DLG2: variants seen among roughly 807,000 people sequenced by gnomAD.
DLG2 encodes the protein discs large MAGUK scaffold protein 2, also known as disks large homolog 2.
Under a neutral mutation model 132.5 loss-of-function variants are expected in DLG2, and 45 were observed. That is an observed-to-expected ratio of 0.34 (90% CI 0.27 to 0.44). The LOEUF (loss-of-function observed/expected upper bound fraction) is 0.44, where lower values mean the gene tolerates loss of function less well. DLG2 is among the 20% of genes least tolerant of loss of function. DLG2 has a pLI of 1.00. For synonymous variants in DLG2, 424 were observed against 419.6 expected (o/e 1.01, Z -0.13); for missense variants, 1,045 against 1,196.9 (o/e 0.87, Z 1.87).
chr11:85,333,478 G>C (rs1358479482), intron 3 of DLG2, among the ~76,000 whole-genome samples: 4 of 152,102 alleles, frequency 2.6e-5, no homozygotes, highest in Non-Finnish European at 5.9e-5. Context: ...CATTAAATAG[G>C]AGTGGTGAGA....
chr11:84,304,331 G>C (rs1480893072), intron 7 of DLG2, among the ~76,000 whole-genome samples: 2 of 152,200 alleles, frequency 1.3e-5, no homozygotes, highest in Non-Finnish European at 2.9e-5. Flanking sequence ...TAACCGCGAT[G>C]TAAGGCAATA....
At chr11:85,007,948 T>C in intron 6 of DLG2, among the ~76,000 whole-genome samples, 1 of 152,120 alleles carries the variant, frequency 6.6e-6, no homozygotes. Flanking sequence ...CAGAAATATT[T>C]GGATTTTACA....
At chr11:83,618,579 G>C (rs981824404) in intron 19 of DLG2, among the ~76,000 whole-genome samples, 2 of 152,138 alleles carry the variant, frequency 1.3e-5, no homozygotes, top group African/African-American at 4.8e-5. Flanking sequence ...ATGTTACTGA[G>C]GTCATAAGAA....
At chr11:84,904,235 A>G (rs543997901) in intron 6 of DLG2, among the ~76,000 whole-genome samples, 3 of 152,270 alleles carry the variant, frequency 2.0e-5, no homozygotes, top group African/African-American at 7.2e-5. Context: ...TGGTGCAACA[A>G]ATTCTATCTA....
In DLG2 at chr11:83,945,806, CTGTGTGTGTG is replaced by C. The variant is rs56913664; in HGVS notation, c.1341-15333_1341-15324del. On this transcript the variant is annotated intron_variant, in intron 14 of 27. Coordinates refer to ENST00000376104, the MANE Select transcript of DLG2 (RefSeq NM_001142699.3). ...AATTTATCCTATGAGAGAAATGCCTCTGTGTGTGTGTGTGTGTGTGTGTGTGTGTGTGTGT... is the reference window on the plus strand; with the variant it reads ...AATTTATCCTATGAGAGAAATGCCTCTGTGTGTGTGTGTGTGTGTGTGTGT... Among the ~76,000 whole-genome samples, 122 of 136,374 alleles carry C rather than the reference CTGTGTGTGTG, an allele frequency of 8.9e-4. 1 individual carries two copies. The highest frequency in any genetic ancestry group is 1.9e-3 in the Admixed American group (26 of 13,514). 89.5% of individuals were successfully genotyped at this position (136,374 alleles called of 152,430 possible).
At chr11:84,911,006 G>A (rs1199000017) in intron 6 of DLG2, among the ~76,000 whole-genome samples, 1 of 152,046 alleles carries the variant, frequency 6.6e-6, no homozygotes, top group Non-Finnish European at 1.5e-5. Flanking sequence ...ATTATGTAGA[G>A]GAAAGGAAAG....
At chr11:84,577,253 T>C (rs887552165) in intron 6 of DLG2, among the ~76,000 whole-genome samples, 12 of 152,144 alleles carry the variant, frequency 7.9e-5, no homozygotes, top group African/African-American at 1.9e-4. Flanking sequence ...ATATGGTAAA[T>C]TGGTAACAGA....
chr11:84,092,644 C>T (rs1015118207), intron 10 of DLG2, among the ~76,000 whole-genome samples: 2 of 152,140 alleles, frequency 1.3e-5, no homozygotes, highest in Non-Finnish European at 2.9e-5. Context: ...TTTATCTGTG[C>T]CTTTAGTCTG....
chr11:84,146,316 T>C (rs905364375), intron 9 of DLG2, among the ~76,000 whole-genome samples: 2 of 152,186 alleles, frequency 1.3e-5, no homozygotes, highest in African/African-American at 4.8e-5. Flanking sequence ...AATAATTTAA[T>C]TGTACATTTT....
chr11:83,664,832 C>T (rs933034585), intron 18 of DLG2, among the ~76,000 whole-genome samples: 1 of 152,150 alleles, frequency 6.6e-6, no homozygotes, highest in Non-Finnish European at 1.5e-5. Flanking sequence ...CTTCTGAAAG[C>T]TCATGAAGCC....
chr11:84,245,863 C>G (rs2097296010), intron 8 of DLG2, among the ~76,000 whole-genome samples: 1 of 152,086 alleles, frequency 6.6e-6, no homozygotes, highest in African/African-American at 2.4e-5. Context: ...ATTTAAGGCC[C>G]TGATGTACTA....
rs1373098050 is a variant in DLG2 at position 84,502,205 on chromosome 11, T to C, written c.519+32365A>G. 6.2e-4 allele frequency among the ~76,000 whole-genome samples: 2 copies of C among 3,224 alleles called. 1 individual carries two copies. Among genetic ancestry groups the C allele is most frequent in the Non-Finnish European group, 9.9e-4 (2 of 2,022 alleles). The allele number at this position is 3,224 out of a possible 152,430, so 2.1% of individuals were successfully genotyped here. A position where few individuals can be genotyped will look rare whatever the true frequency, so the allele number is the denominator to read the frequency against. ...CTCTCTTTCTCTCTCTCTCTCTCCT[T>C]CCTTCCTTCCTTCCTTCCTTCCTTC... is the stretch of plus-strand genomic sequence containing the variant. On this transcript the variant is annotated intron_variant, in intron 7 of 27. Transcript: ENST00000376104.
At chr11:84,901,116 C>T (rs369647515) in intron 6 of DLG2, among the ~76,000 whole-genome samples, 5 of 151,860 alleles carry the variant, frequency 3.3e-5, no homozygotes, top group Admixed American at 1.3e-4. Flanking sequence ...CATTTAAAAG[C>T]GAAGACATAC....
intron 18 of DLG2, among the ~76,000 whole-genome samples, chr11:83,770,590 A>G (rs1338330591): frequency 6.6e-6 from 1 of 152,182 alleles, no homozygotes; most frequent in Non-Finnish European, 1.5e-5. Flanking sequence ...CCTGACATAT[A>G]GTAAATGCTT....
chr11:83,750,225 T>A (rs1379962090), intron 18 of DLG2, among the ~76,000 whole-genome samples: 1 of 152,012 alleles, frequency 6.6e-6, no homozygotes, highest in Non-Finnish European at 1.5e-5. Context: ...GGATAAAGAA[T>A]ATGGGTTTTT....
rs181479669 is a variant in DLG2, at chr11:84,614,664, C to A, written c.358-79933G>T. ...TGACAAATATATATACATTTTTTAC[C>A]TGTTTGTTGATCTTTAAAATATTTC... On this transcript the variant is annotated intron_variant, in intron 6 of 27. Transcript: ENST00000376104. 3.9e-4 allele frequency among the ~76,000 whole-genome samples: 60 copies of A among 152,138 alleles called. 2 individuals carry two copies. In the South Asian group the frequency reaches 0.012, roughly 30 times the overall value.
chr11:85,429,770 C>G (rs2091037376), intron 3 of DLG2, among the ~76,000 whole-genome samples: 1 of 152,178 alleles, frequency 6.6e-6, no homozygotes, highest in South Asian at 2.1e-4. Flanking sequence ...GGACTGTAAA[C>G]TAGTTCAACC....
rs111676096 is a variant in DLG2, at chr11:83,995,990, T to C, written c.920-15348A>G. 6.6e-5 allele frequency among the ~76,000 whole-genome samples: 10 copies of C among 152,054 alleles called. 1 individual carries two copies. Among genetic ancestry groups the C allele is most frequent in the African/African-American group, 2.4e-4 (10 of 41,462 alleles). Reference sequence around the variant, plus strand: ...ATGGACAAATGGGATCACAACAAGTTAAAAGGCTTCTGATAGTAAAGGAAA... The same window carrying C: ...ATGGACAAATGGGATCACAACAAGTCAAAAGGCTTCTGATAGTAAAGGAAA... On this transcript the variant is annotated intron_variant, in intron 11 of 27. Transcript: ENST00000376104.
intron 7 of DLG2, among the ~76,000 whole-genome samples, chr11:84,356,715 T>C (rs970900443): frequency 9.9e-5 from 15 of 152,024 alleles, no homozygotes; most frequent in Admixed American, 9.8e-4. Flanking sequence ...TTATTATCAA[T>C]AACTTCTACA....
Sources: allele counts gnomAD v4.1 joint callset (sites outside exome capture counted in the v4.1 genomes callset), GRCh38; gene constraint gnomAD v4.1.1; transcripts MANE v1.5; gene names NCBI Gene and HGNC (gene_info 2026-07-23, HGNC 2026-07-21).